WDR11: variants seen among roughly 807,000 people sequenced by gnomAD.
The protein encoded by WDR11 is WD repeat-containing protein 11.
In WDR11, 83 loss-of-function variants were observed where a neutral mutation model predicts 151.2. That is an observed-to-expected ratio of 0.55 (90% CI 0.46 to 0.66). The LOEUF (loss-of-function observed/expected upper bound fraction) is 0.66, where lower values mean the gene tolerates loss of function less well. Among genes scored for constraint, WDR11 ranks in the 30% least tolerant of loss-of-function variants. WDR11 has a pLI of 0.00. For missense variants in WDR11, 1,301 were observed against 1,480.9 expected, an observed-to-expected ratio of 0.88 and a Z score of 1.99; for synonymous variants, 484 against 533.1, an observed-to-expected ratio of 0.91 and a Z score of 1.27.
At chr10:120,863,460 G>A (rs1052351139) in intron 5 of WDR11, among the ~76,000 whole-genome samples, 2 of 152,158 alleles carry the variant, frequency 1.3e-5, no homozygotes, top group South Asian at 4.1e-4. Context: ...AGGCTTTAAA[G>A]TATTTCATAG....
intron 4 of WDR11, among the ~76,000 whole-genome samples, chr10:120,862,248 T>C (rs1161885193): frequency 3.3e-5 from 5 of 151,952 alleles, no homozygotes; most frequent in Non-Finnish European, 7.4e-5. Context: ...CAAGCGATTC[T>C]CCTGCCTCAC....
intron 5 of WDR11, among the ~76,000 whole-genome samples, chr10:120,864,374 T>C (rs1226869600): frequency 6.6e-6 from 1 of 152,234 alleles, no homozygotes; most frequent in Non-Finnish European, 1.5e-5. Flanking sequence ...TCTATTCCTA[T>C]TGAAATATAT....
At chr10:120,893,014 T>A (rs182047010) in intron 19 of WDR11, among the ~76,000 whole-genome samples, 86 of 151,900 alleles carry the variant, frequency 5.7e-4, no homozygotes, top group African/African-American at 2.0e-3. Context: ...TTTTTTTTTT[T>A]AATTTTATTA....
chr10:120,906,657 C>A (rs1365509733), intron 27 of WDR11, 119 bp from the exon 28 acceptor site: 8 of 1,582,058 alleles, frequency 5.1e-6, no homozygotes, highest in Non-Finnish European at 6.9e-6. Context: ...GTGCTTGTAT[C>A]TTAATGCAGT....
At position 120,890,676 on chromosome 10, in the gene WDR11, C is replaced by T. The variant is rs562248974; in HGVS notation, c.2344-40C>T. The T allele has an allele frequency of 3.3e-5, 54 of 1,612,904 alleles. 1 individual carries two copies. In the East Asian group the frequency reaches 4.5e-4, roughly 13 times the overall value. On this transcript the variant is annotated intron_variant, in intron 18 of 28. Transcript: ENST00000263461. ...TTAATCTAGAATAATAAAGATCTTC[C>T]TTTTCTGTCTGGAAGTGATGCCCAA...
intron 15 of WDR11, among the ~76,000 whole-genome samples, chr10:120,886,379 G>A (rs185708439): frequency 4.7e-4 from 71 of 152,110 alleles, no homozygotes; most frequent in African/African-American, 1.6e-3. Flanking sequence ...GATAATGTTG[G>A]GTCACTGTAC....
At chr10:120,887,782 T>C (rs1847271745) in intron 16 of WDR11, among the ~76,000 whole-genome samples, 1 of 152,216 alleles carries the variant, frequency 6.6e-6, no homozygotes, top group South Asian at 2.1e-4. Context: ...AGTGATCTGA[T>C]AAAGCAAGAA....
Position 120,902,932 on chromosome 10 carries a change from G to T in WDR11, c.2754-123G>T, listed in dbSNP as rs1203484267. The T allele has an allele frequency of 3.1e-5, 32 of 1,020,742 alleles. No homozygotes were observed. The Admixed American group carries it at 5.9e-4, about 19-fold the overall frequency. 63.2% of individuals were successfully genotyped at this position (1,020,742 alleles called of 1,614,324 possible). On this transcript the variant is annotated intron_variant, in intron 22 of 28. Coordinates refer to ENST00000263461, the MANE Select transcript of WDR11 (RefSeq NM_018117.12). ...CTGCCTCCCCCTTTCACCCTGTCAG[G>T]CCCCATGCCAGTATCCCAGTGGATA...
chr10:120,866,554 C>G lies in WDR11; in HGVS notation c.995-15C>G, dbSNP rs368706496. On this transcript the variant is annotated splice_polypyrimidine_tract_variant and intron_variant, in intron 7 of 28. Transcript: ENST00000263461. ...TATGGCTGCTTTCTGATATTTAAAACAATTTTATGTGAAGATCCAGATCCA... is the reference window on the plus strand; with the variant it reads ...TATGGCTGCTTTCTGATATTTAAAAGAATTTTATGTGAAGATCCAGATCCA... The G allele has an allele frequency of 6.2e-7, 1 of 1,613,906 alleles. No homozygotes were observed. Among genetic ancestry groups the G allele is most frequent in the Non-Finnish European group, 8.5e-7 (1 of 1,179,960 alleles).
intron 22 of WDR11, 56 bp from the exon 23 acceptor site, chr10:120,902,999 A>C (rs1009823736): frequency 3.3e-5 from 52 of 1,581,332 alleles, no homozygotes; most frequent in Non-Finnish European, 4.2e-5. Flanking sequence ...TACTCTAGGA[A>C]GCCATCCAGG....
At chr10:120,860,360 A>C in intron 4 of WDR11, 78 bp downstream of exon 4, 4 of 1,489,056 alleles carry the variant, frequency 2.7e-6, no homozygotes, top group Non-Finnish European at 3.7e-6. Flanking sequence ...TGAGATATAC[A>C]CACACATTAT....
At chr10:120,894,747 T>C (rs774100603) in intron 19 of WDR11, among the ~76,000 whole-genome samples, 1 of 152,230 alleles carries the variant, frequency 6.6e-6, no homozygotes, top group Non-Finnish European at 1.5e-5. Context: ...TTAGCCCAGA[T>C]GGAGCAGAAT....
At chr10:120,902,772 T>C (rs1847877380) in intron 22 of WDR11, among the ~76,000 whole-genome samples, 1 of 151,982 alleles carries the variant, frequency 6.6e-6, no homozygotes, top group Non-Finnish European at 1.5e-5. Context: ...TGGCCCACAT[T>C]GAAAGGTGTG....
chr10:120,865,360 T>C, intron 6 of WDR11, 148 bp downstream of exon 6: 2 of 889,194 alleles, frequency 2.2e-6, no homozygotes, highest in Non-Finnish European at 3.4e-6. Flanking sequence ...TTAGATTGTT[T>C]TTTTTGTCTG....
At chr10:120,886,080 C>A in intron 15 of WDR11, 142 bp downstream of exon 15, 2 of 1,011,664 alleles carry the variant, frequency 2.0e-6, no homozygotes, top group Non-Finnish European at 2.9e-6. Flanking sequence ...TCAGTACATA[C>A]CCAGATTACT....
At position 120,864,123 on chromosome 10, in the gene WDR11, C is replaced by G. The variant is rs527738003; in HGVS notation, c.714-924C>G. 2.0e-5 allele frequency among the ~76,000 whole-genome samples: 3 copies of G among 152,120 alleles called. No individual in the cohort carries two copies. In the South Asian group the frequency reaches 6.2e-4, roughly 31 times the overall value. Reference sequence around the variant, plus strand: ...TTTCACATCTATTAATTCCTGGACTCTTACTACAATTCTGGCAGTAGTAAT... The same window carrying G: ...TTTCACATCTATTAATTCCTGGACTGTTACTACAATTCTGGCAGTAGTAAT... On this transcript the variant is annotated intron_variant, in intron 5 of 28. Coordinates refer to ENST00000263461, the MANE Select transcript of WDR11 (RefSeq NM_018117.12).
chr10:120,856,877 T>C (rs1212502535), intron 2 of WDR11, among the ~76,000 whole-genome samples: 1 of 152,172 alleles, frequency 6.6e-6, no homozygotes, highest in East Asian at 1.9e-4. Flanking sequence ...AGTTGTTGTA[T>C]ACACTGAATT....
chr10:120,906,178 T>C, intron 27 of WDR11, 157 bp downstream of exon 27: 2 of 1,523,722 alleles, frequency 1.3e-6, no homozygotes, highest in South Asian at 2.4e-5. Context: ...AATGGAACTG[T>C]CCGTATTCAT....
intron 19 of WDR11, among the ~76,000 whole-genome samples, chr10:120,898,859 A>G (rs1314506997): frequency 6.6e-6 from 1 of 152,160 alleles, no homozygotes; most frequent in Non-Finnish European, 1.5e-5. Context: ...AGTTCTTTAC[A>G]GCAGCATGAA....
Sources: allele counts gnomAD v4.1 joint callset (sites outside exome capture counted in the v4.1 genomes callset), GRCh38; gene constraint gnomAD v4.1.1; transcripts MANE v1.5; gene names NCBI Gene and HGNC (gene_info 2026-07-23, HGNC 2026-07-21).